Variants in MSRA observed in about 807,000 individuals in gnomAD.
MSRA encodes the protein mitochondrial peptide methionine sulfoxide reductase.
A neutral mutation model predicts 31.3 loss-of-function variants in MSRA; 54 were observed. The observed-to-expected ratio is 1.73, with a 90% CI of 1.39 to 2.17. The LOEUF (loss-of-function observed/expected upper bound fraction) is 2.17. Among genes scored for constraint, MSRA ranks in the 30% most tolerant of loss-of-function variants. MSRA has a pLI of 0.00. For missense variants in MSRA, 507 were observed against 300.9 expected (o/e 1.69, Z -5.07); for synonymous variants, 169 against 116.5 (o/e 1.45, Z -2.90).
At chr8:10,202,532 A>G (rs1009437835) in intron 1 of MSRA, among the ~76,000 whole-genome samples, 14 of 152,230 alleles carry the variant, frequency 9.2e-5, no homozygotes, top group African/African-American at 3.1e-4. Flanking sequence ...ATCACACATG[A>G]TGCCTCTAAG....
At chr8:10,334,805 A>G (rs1163858629) in intron 5 of MSRA, among the ~76,000 whole-genome samples, 3 of 152,176 alleles carry the variant, frequency 2.0e-5, no homozygotes, top group Non-Finnish European at 4.4e-5. Context: ...CTTACTTCAA[A>G]ATGTGCCTTA....
intron 5 of MSRA, chr8:10,337,690 A>T: frequency 2.9e-6 from 2 of 701,702 alleles, no homozygotes; most frequent in South Asian, 3.0e-5. Context: ...TGAACCTTAT[A>T]CTCCTCCTCT....
chr8:10,164,882 G>A (rs1332425980), intron 1 of MSRA, among the ~76,000 whole-genome samples: 1 of 152,100 alleles, frequency 6.6e-6, no homozygotes, highest in Non-Finnish European at 1.5e-5. Flanking sequence ...ATAAAAATTA[G>A]CCTGGTGTTG....
intron 5 of MSRA, among the ~76,000 whole-genome samples, chr8:10,322,338 C>T (rs563605136): frequency 6.3e-4 from 84 of 132,962 alleles, no homozygotes; most frequent in African/African-American, 2.0e-3. Flanking sequence ...GATTCCGGGC[C>T]AGAAGTAATG....
At chr8:10,206,529 C>T (rs1230372549) in intron 1 of MSRA, among the ~76,000 whole-genome samples, 4 of 152,206 alleles carry the variant, frequency 2.6e-5, no homozygotes, top group African/African-American at 4.8e-5. Flanking sequence ...TCAAGATCTT[C>T]CGTGACCTAG....
chr8:10,166,258 CAG>C (rs761880535), intron 1 of MSRA, among the ~76,000 whole-genome samples: 7 of 152,094 alleles, frequency 4.6e-5, no homozygotes, highest in Non-Finnish European at 1.0e-4. Flanking sequence ...AGAATGAACT[CAG>C]AATATTATTA....
chr8:10,211,757 G>T (rs541677137), intron 2 of MSRA, among the ~76,000 whole-genome samples: 50 of 152,098 alleles, frequency 3.3e-4, no homozygotes, highest in Non-Finnish European at 6.6e-4. Context: ...TCTTAGAAAG[G>T]TTCTCTCTGG....
chr8:10,353,576 A>G (rs1487629795), intron 5 of MSRA: 4 of 455,748 alleles, frequency 8.8e-6, no homozygotes, highest in Non-Finnish European at 8.8e-6. Flanking sequence ...TTTTCTGGGT[A>G]GCCTCTGTAC....
chr8:10,165,602 T>A (rs144468732), intron 1 of MSRA, among the ~76,000 whole-genome samples: 136 of 152,290 alleles, frequency 8.9e-4, no homozygotes, highest in African/African-American at 3.1e-3. Context: ...CCAGGTGGCT[T>A]CAATTTCCTG....
At chr8:10,182,598 AG>A (rs1806640857) in intron 1 of MSRA, among the ~76,000 whole-genome samples, 2 of 152,140 alleles carry the variant, frequency 1.3e-5, no homozygotes, top group South Asian at 2.1e-4. Flanking sequence ...GGCACATAGT[AG>A]GTATTTATGG....
chr8:10,202,829 G>T (rs529903888), intron 1 of MSRA, among the ~76,000 whole-genome samples: 2 of 152,138 alleles, frequency 1.3e-5, no homozygotes, highest in Non-Finnish European at 2.9e-5. Flanking sequence ...GTACAAATGA[G>T]GAAACTTAAA....
At chr8:10,140,757 G>A (rs1393990982) in intron 1 of MSRA, among the ~76,000 whole-genome samples, 2 of 152,116 alleles carry the variant, frequency 1.3e-5, no homozygotes, top group East Asian at 1.9e-4. Context: ...CTTTAAGAGA[G>A]AAGTACGTTC....
intron 2 of MSRA, among the ~76,000 whole-genome samples, chr8:10,232,694 C>G (rs1348917636): frequency 6.6e-6 from 1 of 152,080 alleles, no homozygotes; most frequent in African/African-American, 2.4e-5. Context: ...ACTAAAATCT[C>G]ATAATAAAAA....
At chr8:10,054,985 G>C (rs2128908860) in intron 1 of MSRA, among the ~76,000 whole-genome samples, 1 of 152,326 alleles carries the variant, frequency 6.6e-6, no homozygotes, top group Admixed American at 6.5e-5. Flanking sequence ...CTGGGGTCTG[G>C]CCTTGCTCGC....
intron 1 of MSRA, among the ~76,000 whole-genome samples, chr8:10,077,709 G>T (rs1417030466): frequency 6.6e-6 from 1 of 151,784 alleles, no homozygotes; most frequent in African/African-American, 2.4e-5. Context: ...GCTTTCTGAG[G>T]CTTCTGACAA....
At chr8:10,339,019 G>C (rs757338665) in intron 5 of MSRA, among the ~76,000 whole-genome samples, 5 of 152,212 alleles carry the variant, frequency 3.3e-5, no homozygotes, top group Non-Finnish European at 5.9e-5. Context: ...AGTGATGAAA[G>C]ATCTGGCATT....
At chr8:10,322,430 C>G (rs567721763) in intron 5 of MSRA, among the ~76,000 whole-genome samples, 23 of 152,120 alleles carry the variant, frequency 1.5e-4, no homozygotes, top group Non-Finnish European at 3.1e-4. Flanking sequence ...TGGAACTTCA[C>G]TGGAAGTGGA....
chr8:10,104,990 G>A (rs1421828124), intron 1 of MSRA, among the ~76,000 whole-genome samples: 1 of 152,168 alleles, frequency 6.6e-6, no homozygotes, highest in Non-Finnish European at 1.5e-5. Flanking sequence ...TCATGGGCAA[G>A]GAATATTTTG....
intron 1 of MSRA, among the ~76,000 whole-genome samples, chr8:10,149,919 TG>T (rs199899964): frequency 0.17 from 2,123 of 12,706 alleles, 522 homozygotes; most frequent in East Asian, 0.24. Flanking sequence ...TTTTTTTTTT[TG>T]GCCAACTTTA....
Sources: allele counts gnomAD v4.1 joint callset (sites outside exome capture counted in the v4.1 genomes callset), GRCh38; gene constraint gnomAD v4.1.1; transcripts MANE v1.5; gene names NCBI Gene and HGNC (gene_info 2026-07-23, HGNC 2026-07-21).